DMXL1: variants seen among roughly 807,000 people sequenced by gnomAD.
DMXL1 encodes the protein Dmx like 1, also known as dmX-like protein 1.
A neutral mutation model predicts 319.2 loss-of-function variants in DMXL1; 99 were observed. The observed-to-expected ratio is 0.31, with a 90% CI of 0.26 to 0.37. The LOEUF is 0.37. Among genes scored for constraint, DMXL1 ranks in the 10% least tolerant of loss-of-function variants. The probability of loss-of-function intolerance (pLI) is 1.00; values close to 1 mark genes in which losing one functional copy is unlikely to be tolerated. For synonymous variants in DMXL1, 1,385 were observed against 1,235.2 expected (o/e 1.12, Z -2.54); for missense variants, 3,745 against 3,595.6 (o/e 1.04, Z -1.06).
At position 119,167,585 on chromosome 5, in the gene DMXL1, CA is replaced by C. The variant is rs1458348557; in HGVS notation, c.5137-16del. On this transcript the variant is annotated splice_polypyrimidine_tract_variant and intron_variant, in intron 22 of 43. Coordinates refer to ENST00000539542, the MANE Select transcript of DMXL1 (RefSeq NM_001290321.3). ...AAACCTGCTCCTGCTTATTTAAAAA[CA>C]ATATTTTTTTTTAAAGGTATGTCTT... 6.5e-7 allele frequency: 1 copy of C among 1,535,694 alleles called. No individual in the cohort carries two copies. The highest frequency in any genetic ancestry group is 8.8e-7 in the Non-Finnish European group (1 of 1,141,372).
intron 9 of DMXL1, among the ~76,000 whole-genome samples, chr5:119,125,142 C>G (rs1469968664): frequency 1.3e-5 from 2 of 152,096 alleles, no homozygotes; most frequent in Non-Finnish European, 2.9e-5. Context: ...TTTTACATCA[C>G]AACATTGTTA....
At chr5:119,083,494 A>G (rs149260000) in intron 1 of DMXL1, among the ~76,000 whole-genome samples, 193 of 152,282 alleles carry the variant, frequency 1.3e-3, no homozygotes, top group Non-Finnish European at 2.3e-3. Context: ...ATTCTTTTGC[A>G]TATATACCCA....
chr5:119,175,380 AATGAGGT>A, intron 26 of DMXL1, 43 bp downstream of exon 26: 1 of 1,405,630 alleles, frequency 7.1e-7, no homozygotes. Context: ...TACAGTAAGC[AATGAGGT>A]TTCATATTTT....
At chr5:119,202,886 TA>T (rs1425879931) in intron 32 of DMXL1, among the ~76,000 whole-genome samples, 3,835 of 64,086 alleles carry the variant, frequency 0.06, 89 homozygotes, top group South Asian at 0.098. Flanking sequence ...TATATATTTT[TA>T]TATATATATA....
chr5:119,167,933 C>CTAT, intron 23 of DMXL1, 69 bp downstream of exon 23: 1 of 1,446,200 alleles, frequency 6.9e-7, no homozygotes, highest in East Asian at 2.3e-5. Context: ...GCAGATCACT[C>CTAT]TATTAGGTGG....
At chr5:119,102,352 C>G (rs1377443520) in intron 3 of DMXL1, 5 of 186,810 alleles carry the variant, frequency 2.7e-5, no homozygotes, top group Non-Finnish European at 5.4e-5. Context: ...GTTTTATAAT[C>G]TACCTTTATA....
chr5:119,193,563 G>A (rs1420811766), intron 29 of DMXL1, among the ~76,000 whole-genome samples: 1 of 152,076 alleles, frequency 6.6e-6, no homozygotes, highest in Non-Finnish European at 1.5e-5. Flanking sequence ...AAATGAGGGT[G>A]GTGATTGTAT....
chr5:119,085,071 G>T (rs1395712731), intron 1 of DMXL1, among the ~76,000 whole-genome samples: 1 of 151,966 alleles, frequency 6.6e-6, no homozygotes, highest in Non-Finnish European at 1.5e-5. Flanking sequence ...GCTCACTCCT[G>T]TAATCTCATC....
chr5:119,149,933 G>T lies in DMXL1; in HGVS notation c.4106G>T (p.Arg1369Leu). The T allele has an allele frequency of 6.2e-7, 1 of 1,613,840 alleles. No homozygotes were observed. ...ALNEAESNHERRLRSLTISAS... is the reference protein window; with the variant it reads ...ALNEAESNHELRLRSLTISAS... ...AATGAAGCTGAATCTAATCATGAAC[G>T]CCGCCTTAGGTCTCTCACAATCAGT... The change falls in exon 18 of 44, where the codon CGC becomes CTC. Residue 1369 changes from arginine (R) to leucine (L), a missense_variant. Arg to Leu is a moderately radical substitution (Grantham distance 102). This residue lies in a region of DMXL1 where 2,096 missense variants were observed against 1,985.4 expected (regional missense o/e 1.06). Transcript: ENST00000539542.
chr5:119,143,945 TGG>T lies in DMXL1; in HGVS notation c.2466+21_2466+22del. ...TTACCAAACTTGTAAGTATTAATTT[TGG>T]GGGGGAGGTATATTAAAAAAAAGTT... is the stretch of plus-strand genomic sequence containing the variant. On this transcript the variant is annotated intron_variant, in intron 14 of 43. Coordinates refer to ENST00000539542, the MANE Select transcript of DMXL1 (RefSeq NM_001290321.3). 1 of 1,489,824 alleles carries T rather than the reference TGG, an allele frequency of 6.7e-7. No homozygotes were observed. The highest frequency in any genetic ancestry group is 9.1e-7 in the Non-Finnish European group (1 of 1,095,814). The allele number at this position is 1,489,824 out of a possible 1,614,324, so 92.3% of individuals were successfully genotyped here.
chr5:119,228,301 G>A (rs1036544884), intron 38 of DMXL1, among the ~76,000 whole-genome samples: 13 of 152,164 alleles, frequency 8.5e-5, no homozygotes, highest in Admixed American at 2.6e-4. Context: ...GACACTTTCA[G>A]TGAAGATCAG....
intron 28 of DMXL1, among the ~76,000 whole-genome samples, chr5:119,184,176 G>A (rs1207270685): frequency 6.6e-6 from 1 of 151,576 alleles, no homozygotes; most frequent in African/African-American, 2.4e-5. Context: ...CCACCTCAGT[G>A]CCCCAAGTAG....
rs1181347131 is a variant in DMXL1, at chr5:119,167,598, TAAAGG to T, written c.5137-4_5137del. 1.3e-6 allele frequency: 2 copies of T among 1,554,194 alleles called. No individual in the cohort carries two copies. Among genetic ancestry groups the T allele is most frequent in the Admixed American group, 2.0e-5 (1 of 49,612 alleles). Reference sequence around the variant, plus strand: ...CTTATTTAAAAACAATATTTTTTTTTAAAGGTATGTCTTGAGAAATTGAATGACAT... The same window carrying T: ...CTTATTTAAAAACAATATTTTTTTTTTATGTCTTGAGAAATTGAATGACAT... On this transcript the variant is annotated splice_acceptor_variant and splice_polypyrimidine_tract_variant and coding_sequence_variant and intron_variant, in exon 23 of 44. Coordinates refer to ENST00000539542, the MANE Select transcript of DMXL1 (RefSeq NM_001290321.3). LOFTEE classifies it high-confidence loss of function.
intron 5 of DMXL1, among the ~76,000 whole-genome samples, chr5:119,113,072 G>A (rs1258398518): frequency 1.3e-5 from 2 of 152,060 alleles, no homozygotes; most frequent in African/African-American, 2.4e-5. Context: ...TGTTCTTGTT[G>A]CAGCAAAAAT....
intron 3 of DMXL1, chr5:119,102,289 T>A: frequency 4.0e-6 from 1 of 250,512 alleles, no homozygotes. Context: ...TGGCACTACT[T>A]TATTGCTAGT....
At chr5:119,133,017 G>T in intron 10 of DMXL1, 115 bp from the exon 11 acceptor site, 1 of 1,139,696 alleles carries the variant, frequency 8.8e-7, no homozygotes, top group Non-Finnish European at 1.2e-6. Context: ...GAGCTTCCAT[G>T]CTCTCCTTAG....
chr5:119,137,850 T>C (rs990395594), intron 13 of DMXL1, among the ~76,000 whole-genome samples: 1 of 152,120 alleles, frequency 6.6e-6, no homozygotes, highest in African/African-American at 2.4e-5. Context: ...TAATACAGTA[T>C]GTAAAGGAAC....
intron 1 of DMXL1, among the ~76,000 whole-genome samples, chr5:119,074,968 T>A (rs1448570373): frequency 6.6e-6 from 1 of 152,206 alleles, no homozygotes; most frequent in Non-Finnish European, 1.5e-5. Flanking sequence ...AAAAGAGTAT[T>A]ATTCATAGAG....
chr5:119,226,576 T>C (rs142566297), intron 38 of DMXL1, among the ~76,000 whole-genome samples: 75 of 152,288 alleles, frequency 4.9e-4, no homozygotes, highest in African/African-American at 1.4e-3. Flanking sequence ...TCTCCACCTC[T>C]CCAAGTACTG....
Sources: gnomAD v4.1 joint callset for allele counts (sites outside exome capture counted in the v4.1 genomes callset) on GRCh38, gnomAD v4.1.1 for gene constraint, gnomAD v4.1.1 regional missense constraint, MANE v1.5 for transcripts, NCBI Gene and HGNC (gene_info 2026-07-23, HGNC 2026-07-21) for gene names.